SGIP1: variants seen among roughly 807,000 people sequenced by gnomAD.
SGIP1 encodes the protein SH3-containing GRB2-like protein 3-interacting protein 1.
SGIP1 carries 38 observed loss-of-function variants against 107.5 expected under a neutral mutation model. The ratio of observed to expected loss-of-function variants is 0.35; its 90% CI spans 0.27 to 0.46. The LOEUF (loss-of-function observed/expected upper bound fraction) is 0.46. SGIP1 is among the 20% of genes least tolerant of loss of function. The pLI is 1.00. For missense variants in SGIP1, 929 were observed against 1,019.5 expected (o/e 0.91, Z 1.21); for synonymous variants, 365 against 366.1 (o/e 1.00, Z 0.03).
At chr1:66,661,177 A>C (rs1327220307) in intron 8 of SGIP1, among the ~76,000 whole-genome samples, 1 of 152,222 alleles carries the variant, frequency 6.6e-6, no homozygotes, top group Non-Finnish European at 1.5e-5. Flanking sequence ...CAGATTTCAA[A>C]AAATAAAATG....
At chr1:66,673,886 G>A (rs573624481) in intron 12 of SGIP1, among the ~76,000 whole-genome samples, 4 of 152,282 alleles carry the variant, frequency 2.6e-5, no homozygotes, top group Admixed American at 1.3e-4. Context: ...TTAGAAATAA[G>A]GCCAGGTGTG....
chr1:66,640,880 T>C (rs775956910), intron 5 of SGIP1, among the ~76,000 whole-genome samples: 4 of 146,954 alleles, frequency 2.7e-5, no homozygotes, highest in African/African-American at 5.1e-5. Flanking sequence ...GAAAGAAAAA[T>C]ACTGTATGAT....
At chr1:66,740,871 A>C in intron 23 of SGIP1, 149 bp downstream of exon 23, 1 of 615,450 alleles carries the variant, frequency 1.6e-6, no homozygotes, top group South Asian at 2.1e-5. Context: ...TAATAAAAGC[A>C]AATAATTCTT....
chr1:66,633,166 C>T, intron 3 of SGIP1, 72 bp downstream of exon 3: 2 of 1,021,126 alleles, frequency 2.0e-6, no homozygotes, highest in African/African-American at 1.6e-5. Flanking sequence ...TCTCAAAGCC[C>T]TTTTTTTTTC....
intron 1 of SGIP1, among the ~76,000 whole-genome samples, chr1:66,598,123 A>G (rs2065079939): frequency 6.6e-6 from 1 of 152,224 alleles, no homozygotes; most frequent in East Asian, 1.9e-4. Flanking sequence ...GATTATCAGT[A>G]TCTAGATGCT....
At chr1:66,736,244 T>C (rs1025741958) in intron 21 of SGIP1, among the ~76,000 whole-genome samples, 1 of 140,672 alleles carries the variant, frequency 7.1e-6, no homozygotes, top group Non-Finnish European at 1.5e-5. Flanking sequence ...TATAAATATT[T>C]ATACAAATAT....
At chr1:66,601,744 A>T (rs1215949805) in intron 1 of SGIP1, among the ~76,000 whole-genome samples, 1 of 152,156 alleles carries the variant, frequency 6.6e-6, no homozygotes, top group Non-Finnish European at 1.5e-5. Flanking sequence ...AAACTAAAAT[A>T]CCTATTCTTC....
intron 11 of SGIP1, among the ~76,000 whole-genome samples, chr1:66,672,333 G>A (rs1571602743): frequency 2.0e-5 from 3 of 152,126 alleles, no homozygotes; most frequent in Admixed American, 6.6e-5. Flanking sequence ...CCTACGAAAA[G>A]AAGCCTATTT....
chr1:66,733,658 A>G, intron 20 of SGIP1, 90 bp from the exon 21 acceptor site: 3 of 1,410,686 alleles, frequency 2.1e-6, no homozygotes, highest in East Asian at 2.3e-5. Context: ...ATGGCTGTAC[A>G]TATCAGACGA....
rs979784467 is a variant in SGIP1 at position 66,750,123 on chromosome 1, T to G, written c.*7028T>G. On this transcript the variant is annotated 3_prime_UTR_variant, in exon 25 of 25. Transcript: ENST00000371037. Reference sequence around the variant, plus strand: ...AAAATTGCTGCTGAATAATTTTTCTTGAAAAAGCCAAGTGTTGATATGATG... The same window carrying G: ...AAAATTGCTGCTGAATAATTTTTCTGGAAAAAGCCAAGTGTTGATATGATG... Among the ~76,000 whole-genome samples the G allele has an allele frequency of 1.3e-5, 2 of 151,868 alleles. No homozygotes were observed. Among genetic ancestry groups the G allele is most frequent in the African/African-American group, 2.4e-5 (1 of 41,350 alleles).
At chr1:66,572,381 T>C (rs1410071181) in intron 1 of SGIP1, among the ~76,000 whole-genome samples, 1 of 152,092 alleles carries the variant, frequency 6.6e-6, no homozygotes, top group Non-Finnish European at 1.5e-5. Context: ...GATTTATCTT[T>C]AGAGAAACAC....
At chr1:66,635,873 C>A in intron 3 of SGIP1, 71 bp from the exon 4 acceptor site, 3 of 1,484,138 alleles carry the variant, frequency 2.0e-6, no homozygotes, top group Non-Finnish European at 2.8e-6. Flanking sequence ...CCATGTAATT[C>A]TTTATATGTG....
chr1:66,579,289 C>A (rs1397703808), intron 1 of SGIP1, among the ~76,000 whole-genome samples: 1 of 152,152 alleles, frequency 6.6e-6, no homozygotes, highest in Admixed American at 6.5e-5. Context: ...CTCACTGTCC[C>A]AGACCTTCAT....
intron 13 of SGIP1, among the ~76,000 whole-genome samples, chr1:66,677,542 G>A (rs980151293): frequency 6.6e-6 from 1 of 152,092 alleles, no homozygotes; most frequent in Non-Finnish European, 1.5e-5. Flanking sequence ...TGACAATTGG[G>A]GAACAAGAGA....
intron 8 of SGIP1, 46 bp downstream of exon 8, chr1:66,660,570 CTGTT>C (rs2081272520): frequency 1.3e-6 from 2 of 1,563,536 alleles, no homozygotes; most frequent in Non-Finnish European, 1.8e-6. Flanking sequence ...ATTATTTATT[CTGTT>C]TATTTTCATT....
chr1:66,560,277 C>T (rs1052491396), intron 1 of SGIP1, among the ~76,000 whole-genome samples: 8 of 152,006 alleles, frequency 5.3e-5, no homozygotes, highest in Non-Finnish European at 8.8e-5. Context: ...GAAATAAGTA[C>T]CCAGTTGATT....
chr1:66,701,346 G>A (rs1338562326), intron 18 of SGIP1, among the ~76,000 whole-genome samples: 2 of 152,044 alleles, frequency 1.3e-5, no homozygotes, highest in Admixed American at 6.6e-5. Context: ...TCAATAACAG[G>A]AAAATTATTA....
At chr1:66,661,101 T>G (rs894993763) in intron 8 of SGIP1, among the ~76,000 whole-genome samples, 3 of 152,150 alleles carry the variant, frequency 2.0e-5, no homozygotes, top group African/African-American at 7.2e-5. Context: ...AGTGGGTGAT[T>G]TTTAGTGGCA....
intron 7 of SGIP1, among the ~76,000 whole-genome samples, chr1:66,651,597 A>C (rs1160487140): frequency 6.6e-6 from 1 of 152,170 alleles, no homozygotes; most frequent in Non-Finnish European, 1.5e-5. Context: ...CAAAGGGCCC[A>C]TAATCCCAGC....
Sources: allele counts gnomAD v4.1 joint callset (sites outside exome capture counted in the v4.1 genomes callset), GRCh38; gene constraint gnomAD v4.1.1; transcripts MANE v1.5; gene names NCBI Gene and HGNC (gene_info 2026-07-23, HGNC 2026-07-21).